ACSM2A: variants seen among roughly 807,000 people sequenced by gnomAD.
The protein encoded by ACSM2A is acyl-CoA synthetase medium chain family member 2A.
In ACSM2A, 72 loss-of-function variants were observed where a neutral mutation model predicts 76.6. The ratio of observed to expected loss-of-function variants is 0.94; its 90% CI spans 0.78 to 1.14. The LOEUF is 1.14. Among genes scored for constraint, ACSM2A ranks in the 50% most tolerant of loss-of-function variants. The pLI is 0.00. For missense variants in ACSM2A, 684 were observed against 708.5 expected (o/e 0.97, Z 0.39); for synonymous variants, 249 against 255.9 (o/e 0.97, Z 0.26).
In ACSM2A at chr16:20,480,867, C is replaced by T; in HGVS notation, c.1455C>T (p.His485=). The change falls in exon 12 of 14, where the codon CAC becomes CAT. Residue 485 remains histidine (H), a synonymous_variant. Transcript: ENST00000573854. ...AGGTAGAGAATGCACTGATGGAGCA[C>T]CCTGCTGTGGTTGAGACGGCTGTGA... ...PSEVENALME[H]PAVVETAVIS... 4 of 1,613,914 alleles carry T rather than the reference C, an allele frequency of 2.5e-6. No individual in the cohort carries two copies. Among genetic ancestry groups the T allele is most frequent in the Non-Finnish European group, 2.5e-6 (3 of 1,179,858 alleles).
At chr16:20,482,134 CA>C (rs768615976) in intron 12 of ACSM2A, 1,569 of 49,726 alleles carry the variant, frequency 0.032, 10 homozygotes, top group African/African-American at 0.06. Flanking sequence ...GACTCTGTCT[CA>C]AAAAAAAAAA....
intron 2 of ACSM2A, among the ~76,000 whole-genome samples, chr16:20,463,487 G>C (rs902841790): frequency 4.6e-5 from 7 of 151,824 alleles, no homozygotes; most frequent in South Asian, 2.1e-4. Flanking sequence ...GAGTTCATGA[G>C]AGATCTTGTT....
At chr16:20,456,479 G>T (rs2012163140) in intron 1 of ACSM2A, among the ~76,000 whole-genome samples, 1 of 151,524 alleles carries the variant, frequency 6.6e-6, no homozygotes, top group Non-Finnish European at 1.5e-5. Flanking sequence ...AATAAAATTG[G>T]AAATCAACTC....
rs2013369605 is a variant in ACSM2A, at chr16:20,471,178, C to T, written c.702C>T (p.Ser234=). The change falls in exon 5 of 14, where the codon TCC becomes TCT. Residue 234 remains serine (S), a synonymous_variant. Transcript: ENST00000573854. ...GTCTTCCCAAGATGGCAGAACATTC[C>T]TACTCGAGCCTGGGCCTCAAGGCCA... ...TSGLPKMAEH[S]YSSLGLKAKM... is the part of the protein sequence containing the mutation. 4.3e-6 allele frequency: 7 copies of T among 1,611,920 alleles called. No homozygotes were observed. The South Asian group carries it at 5.5e-5, about 13-fold the overall frequency.
rs75603553 is a variant in ACSM2A, at chr16:20,480,839, C to T, written c.1427C>T (p.Ser476Leu). ...TTCTGCAGGTACCGGATTGGACCCT[C>T]GGAGGTAGAGAATGCACTGATGGAG... Reference protein sequence around the residue: ...INSSGYRIGPSEVENALMEHP... With the variant: ...INSSGYRIGPLEVENALMEHP... Residue 476 changes from serine to leucine, a missense_variant, in exon 12 of 14, where the codon TCG becomes TTG. This residue lies in a region of ACSM2A where 159 missense variants were observed against 132.5 expected (regional missense o/e 1.20). Coordinates refer to ENST00000573854, the MANE Select transcript of ACSM2A (RefSeq NM_001308172.2). 95 of 1,613,866 alleles carry T rather than the reference C, an allele frequency of 5.9e-5. No individual in the cohort carries two copies. The highest frequency in any genetic ancestry group is 9.9e-5 in the South Asian group (9 of 91,060).
chr16:20,480,595 C>G lies in ACSM2A; in HGVS notation c.1304C>G (p.Ala435Gly). The G allele has an allele frequency of 1.2e-6, 2 of 1,613,828 alleles. No individual in the cohort carries two copies. Among genetic ancestry groups the G allele is most frequent in the Non-Finnish European group, 1.7e-6 (2 of 1,179,832 alleles). Residue 435 changes from alanine to glycine, a missense_variant, in exon 11 of 14, where the codon GCC (alanine) becomes GGC (glycine). Around this residue, in one of 3 missense-constraint regions of ACSM2A, gnomAD observed 519 missense variants for 549.5 expected, o/e 0.94. Transcript: ENST00000573854. ...CAGGACAATCCCGACAAGACAGCAG[C>G]CAACATTCGAGGAGACTTTTGGCTC... ...GYVDNPDKTA[A>G]NIRGDFWLLG...
chr16:20,475,799 G>T (rs1199872363), intron 8 of ACSM2A, 26 bp downstream of exon 8: 4 of 1,610,420 alleles, frequency 2.5e-6, no homozygotes, highest in Non-Finnish European at 3.4e-6. Flanking sequence ...GGAACCATGG[G>T]CTGTGTGCAC....
chr16:20,474,445 C>T (rs936854701), intron 6 of ACSM2A, among the ~76,000 whole-genome samples: 13 of 152,146 alleles, frequency 8.5e-5, no homozygotes, highest in Admixed American at 2.6e-4. Flanking sequence ...CTCCTTGGGA[C>T]TCTGCGGAGT....
intron 1 of ACSM2A, 109 bp from the exon 2 acceptor site, chr16:20,459,998 T>C: frequency 7.0e-7 from 1 of 1,438,250 alleles, no homozygotes; most frequent in Admixed American, 2.7e-5. Flanking sequence ...AGCAAATTAA[T>C]TCCTGGGAAG....
At chr16:20,457,998 C>A (rs2012298635) in intron 1 of ACSM2A, among the ~76,000 whole-genome samples, 1 of 151,738 alleles carries the variant, frequency 6.6e-6, no homozygotes, top group Admixed American at 6.6e-5. Flanking sequence ...GTACAAAAAC[C>A]AGTAGCTCTG....
At chr16:20,485,307 T>C (rs1596683807) in intron 13 of ACSM2A, among the ~76,000 whole-genome samples, 1 of 152,178 alleles carries the variant, frequency 6.6e-6, no homozygotes, top group Non-Finnish European at 1.5e-5. Context: ...ATGTGTCTCT[T>C]TCTGCAAGTC....
At chr16:20,457,061 G>T (rs1178670269) in intron 1 of ACSM2A, among the ~76,000 whole-genome samples, 2 of 151,974 alleles carry the variant, frequency 1.3e-5, no homozygotes, top group Non-Finnish European at 2.9e-5. Flanking sequence ...GGAGGAGATG[G>T]ATAAATTCTT....
intron 6 of ACSM2A, 34 bp from the exon 7 acceptor site, chr16:20,475,328 G>A (rs763978645): frequency 3.8e-5 from 62 of 1,613,294 alleles, no homozygotes; most frequent in Non-Finnish European, 5.3e-5. Flanking sequence ...ATTTGACCTG[G>A]TGACCAATGT....
At chr16:20,476,909 A>C (rs1233418978) in intron 8 of ACSM2A, 1 of 193,902 alleles carries the variant, frequency 5.2e-6, no homozygotes, top group African/African-American at 2.4e-5. Context: ...ATTCTTCATG[A>C]TGTGATTATT....
Position 20,469,648 on chromosome 16 carries a change from T to C in ACSM2A, c.525T>C (p.Pro175=). 2 of 1,613,894 alleles carry C rather than the reference T, an allele frequency of 1.2e-6. No homozygotes were observed. The highest frequency in any genetic ancestry group is 1.7e-6 in the Non-Finnish European group (2 of 1,179,834). The part of the protein sequence containing the change: ...QEVDTVASEC[P]SLRIKLLVSE... ...TGGACACAGTGGCATCTGAATGTCC[T>C]TCTCTGAGAATTAAGCTACTGGTGT... Residue 175 remains proline (P), a synonymous_variant, in exon 4 of 14, where the codon CCT becomes CCC. Coordinates refer to ENST00000573854, the MANE Select transcript of ACSM2A (RefSeq NM_001308172.2).
rs367956994 is a variant in ACSM2A at position 20,466,244 on chromosome 16, AG to A, written c.388+518del. On this transcript the variant is annotated intron_variant, in intron 3 of 13. Coordinates refer to ENST00000573854, the MANE Select transcript of ACSM2A (RefSeq NM_001308172.2). ...TTACTATTTGGCCCTTTGCAGAAAA[AG>A]TTTGCCAATGCTTTTCTAAAAGAAG... is the stretch of plus-strand genomic sequence containing the variant. 9.9e-3 allele frequency among the ~76,000 whole-genome samples: 1,511 copies of A among 152,338 alleles called. 13 individuals are homozygous for A. Among genetic ancestry groups the A allele is most frequent in the Non-Finnish European group, 0.015 (1,045 of 68,038 alleles).
In ACSM2A at chr16:20,469,353, C is replaced by A. The variant is rs1231984873; in HGVS notation, c.389-159C>A. 3.3e-5 allele frequency among the ~76,000 whole-genome samples: 5 copies of A among 152,098 alleles called. No individual in the cohort carries two copies. In the East Asian group the frequency reaches 9.6e-4, roughly 29 times the overall value. On this transcript the variant is annotated intron_variant, in intron 3 of 13. Coordinates refer to ENST00000573854, the MANE Select transcript of ACSM2A (RefSeq NM_001308172.2). Reference sequence around the variant, plus strand: ...CAGGGAATCCTAGGTTTCATTCACTCCCTTGTCCTTAGTTCCCTTTTTTAT... The same window carrying A: ...CAGGGAATCCTAGGTTTCATTCACTACCTTGTCCTTAGTTCCCTTTTTTAT...
chr16:20,473,548 G>T (rs2221448), intron 6 of ACSM2A, among the ~76,000 whole-genome samples: 43,840 of 151,964 alleles, frequency 0.29, 7,501 homozygotes, highest in East Asian at 0.59. Flanking sequence ...GGAAATTATT[G>T]CATGATACTC....
At chr16:20,486,498 C>T (rs2014388927) in intron 13 of ACSM2A, 76 bp from the exon 14 acceptor site, 4 of 1,530,652 alleles carry the variant, frequency 2.6e-6, no homozygotes, top group African/African-American at 2.7e-5. Context: ...CTTCCCCTCA[C>T]CCTACAGCAG....
Sources: allele counts gnomAD v4.1 joint callset (sites outside exome capture counted in the v4.1 genomes callset), GRCh38; gene constraint gnomAD v4.1.1; regional missense constraint gnomAD v4.1.1; transcripts MANE v1.5; gene names NCBI Gene and HGNC (gene_info 2026-07-23, HGNC 2026-07-21).